MYO19: variants seen among roughly 807,000 people sequenced by gnomAD.
The protein encoded by MYO19 is unconventional myosin-XIX.
MYO19 carries 132 observed loss-of-function variants against 129.2 expected under a neutral mutation model. The observed-to-expected ratio is 1.02, with a 90% CI of 0.89 to 1.18. The LOEUF is 1.18. MYO19 is among the 50% of genes most tolerant of loss of function. The pLI is 0.00. For missense variants in MYO19, 1,210 were observed against 1,216.7 expected (o/e 0.99, Z 0.08); for synonymous variants, 531 against 477.2 (o/e 1.11, Z -1.47).
Position 36,500,971 on chromosome 17 carries a change from G to C in MYO19, c.2248-12C>G. 2 of 1,609,810 alleles carry C rather than the reference G, an allele frequency of 1.2e-6. No homozygotes were observed. The highest frequency in any genetic ancestry group is 1.1e-5 in the South Asian group (1 of 91,000). On this transcript the variant is annotated splice_polypyrimidine_tract_variant and intron_variant, in intron 22 of 25. Coordinates refer to ENST00000614623, the MANE Select transcript of MYO19 (RefSeq NM_001163735.2). ...TCCAGAAGCTCCAGCTGGGAGAAAA[G>C]GCATCCATTGAGGGCAGCCTCTTCT...
chr17:36,539,511 C>G (rs1303140787), upstream of MYO19, among the ~76,000 whole-genome samples: 1 of 152,006 alleles, frequency 6.6e-6, no homozygotes, highest in Non-Finnish European at 1.5e-5. Flanking sequence ...TGGTGACTCA[C>G]GCCTGTAATC....
In MYO19 at chr17:36,509,094, C is replaced by G; in HGVS notation, c.1199G>C (p.Cys400Ser). Residue 400 changes from cysteine (C) to serine (S), a missense_variant, in exon 14 of 26, where the codon TGT becomes TCT. Physicochemically the swap from Cys to Ser is moderately radical, Grantham distance 112 (BLOSUM62 -1). Transcript: ENST00000614623. ...WLVSVINSSICADTDSWTTFI... is the reference protein window; with the variant it reads ...WLVSVINSSISADTDSWTTFI... ...AGTGGTCCACGAGTCGGTGTCTGCA[C>G]AGATGCTGCTGTTGATCACTGATAC... The G allele has an allele frequency of 5.0e-6, 8 of 1,613,876 alleles. No individual in the cohort carries two copies. The highest frequency in any genetic ancestry group is 5.9e-6 in the Non-Finnish European group (7 of 1,179,848).
chr17:36,513,415 G>C lies in MYO19; in HGVS notation c.894+14C>G, dbSNP rs775689995. The C allele has an allele frequency of 1.2e-6, 2 of 1,614,052 alleles. No individual in the cohort carries two copies. The highest frequency in any genetic ancestry group is 2.2e-5 in the South Asian group (2 of 91,088). ...ATCTCTGCCAAACTTAAGTGGCGTGGCTTTTCTTCTGACCTTAAAGATGTT... is the reference window on the plus strand; with the variant it reads ...ATCTCTGCCAAACTTAAGTGGCGTGCCTTTTCTTCTGACCTTAAAGATGTT... On this transcript the variant is annotated intron_variant, in intron 11 of 25. Coordinates refer to ENST00000614623, the MANE Select transcript of MYO19 (RefSeq NM_001163735.2).
intron 6 of MYO19, among the ~76,000 whole-genome samples, chr17:36,524,725 C>T (rs529015917): frequency 2.3e-4 from 35 of 152,360 alleles, no homozygotes; most frequent in African/African-American, 7.9e-4. Context: ...TTTGGAGGAG[C>T]ACTGCCACAT....
chr17:36,509,818 CTCTA>C (rs1019448743), intron 13 of MYO19: 58 of 152,590 alleles, frequency 3.8e-4, no homozygotes, highest in African/African-American at 1.4e-3. Flanking sequence ...CAGAAGCTCA[CTCTA>C]TCTGTGTTCA....
intron 8 of MYO19, 89 bp from the exon 9 acceptor site, chr17:36,514,637 C>T: frequency 1.2e-6 from 1 of 836,292 alleles, no homozygotes; most frequent in South Asian, 1.5e-5. Flanking sequence ...TGCCTGCTAC[C>T]TGGCAACTCC....
intron 6 of MYO19, among the ~76,000 whole-genome samples, chr17:36,523,336 C>G (rs1047609021): frequency 6.6e-6 from 1 of 152,128 alleles, no homozygotes; most frequent in Non-Finnish European, 1.5e-5. Flanking sequence ...TCAGCAGGCA[C>G]CAATCCAGAC....
chr17:36,509,183 A>G, intron 13 of MYO19, 48 bp from the exon 14 acceptor site: 1 of 1,573,706 alleles, frequency 6.4e-7, no homozygotes, highest in Non-Finnish European at 8.7e-7. Context: ...TGGCTGAGTC[A>G]AAGGGGTGGT....
rs1312549950 is a variant in MYO19, at chr17:36,507,380, C to T, written c.1467+19G>A. 5.6e-6 allele frequency: 9 copies of T among 1,606,378 alleles called. No individual in the cohort carries two copies. Among genetic ancestry groups the T allele is most frequent in the Non-Finnish European group, 6.8e-6 (8 of 1,174,588 alleles). ...CAAAGGCCAACTCTGGTGCTCGGCT[C>T]ATTAGCTGACCTCCCCACCTCATTT... On this transcript the variant is annotated intron_variant, in intron 16 of 25. Transcript: ENST00000614623.
chr17:36,507,128 G>T lies in MYO19; in HGVS notation c.1479C>A (p.Leu493=). The T allele has an allele frequency of 6.2e-7, 1 of 1,602,270 alleles. No homozygotes were observed. The highest frequency in any genetic ancestry group is 8.5e-7 in the Non-Finnish European group (1 of 1,170,974). ...GCTGGGCTGCGCTGCTGGGTCGATTGAGGCGGCATTCCTGTGGGATGGGAA... is the reference window on the plus strand; with the variant it reads ...GCTGGGCTGCGCTGCTGGGTCGATTTAGGCGGCATTCCTGTGGGATGGGAA... ...ICSLINEECR[L]NRPSSAAQLQ... is the part of the protein sequence containing the mutation. The change falls in exon 17 of 26, where the codon CTC becomes CTA. Residue 493 remains leucine (L), a synonymous_variant. Coordinates refer to ENST00000614623, the MANE Select transcript of MYO19 (RefSeq NM_001163735.2).
In MYO19 at chr17:36,527,718, T is replaced by A; in HGVS notation, c.152-19A>T. On this transcript the variant is annotated intron_variant, in intron 4 of 25. Transcript: ENST00000614623. Reference sequence around the variant, plus strand: ...CTCAGGACTGAGGCAGAGATGCCTTTAGCAAACTCGGGCTCAAATATAGTC... The same window carrying A: ...CTCAGGACTGAGGCAGAGATGCCTTAAGCAAACTCGGGCTCAAATATAGTC... 6.2e-7 allele frequency: 1 copy of A among 1,601,364 alleles called. No individual in the cohort carries two copies. The highest frequency in any genetic ancestry group is 8.5e-7 in the Non-Finnish European group (1 of 1,173,412).
upstream of MYO19, chr17:36,535,103 T>G (rs1248082793): frequency 1.3e-5 from 2 of 151,672 alleles, no homozygotes; most frequent in Non-Finnish European, 2.9e-5. Context: ...AGCGGCAGCT[T>G]CCCACGTTCT....
In MYO19 at chr17:36,506,375, C is replaced by T. The variant is rs184180361; in HGVS notation, c.1797+81G>A. On this transcript the variant is annotated intron_variant, in intron 18 of 25. Coordinates refer to ENST00000614623, the MANE Select transcript of MYO19 (RefSeq NM_001163735.2). Reference sequence around the variant, plus strand: ...GCCACTGCTCCCCAACAAACAGCACCGATCCCGGCAGGTGCTCAATAAATA... The same window carrying T: ...GCCACTGCTCCCCAACAAACAGCACTGATCCCGGCAGGTGCTCAATAAATA... The T allele has an allele frequency of 7.5e-5, 119 of 1,581,024 alleles. 1 individual carries two copies. In the African/African-American group the frequency reaches 7.7e-4, roughly 10 times the overall value.
chr17:36,510,736 A>T lies in MYO19; in HGVS notation c.1157+10T>A. On this transcript the variant is annotated intron_variant, in intron 13 of 25. Transcript: ENST00000614623. ...GTCCTCCCCAACAAGGGGCCAGAGT[A>T]ACTGCTCACCGCGCATAGATCAGTT... 1 of 1,587,432 alleles carries T rather than the reference A, an allele frequency of 6.3e-7. No homozygotes were observed. Among genetic ancestry groups the T allele is most frequent in the Non-Finnish European group, 8.6e-7 (1 of 1,162,638 alleles).
chr17:36,503,045 A>C, intron 21 of MYO19, 52 bp downstream of exon 21: 1 of 1,448,564 alleles, frequency 6.9e-7, no homozygotes, highest in Non-Finnish European at 9.7e-7. Flanking sequence ...CACAGGGTAG[A>C]TGCTCAGTAA....
intron 14 of MYO19, chr17:36,508,846 T>C: frequency 3.4e-6 from 2 of 582,300 alleles, no homozygotes; most frequent in East Asian, 5.6e-5. Context: ...TGAGCCTGTC[T>C]GGAGAGTTAT....
intron 14 of MYO19, chr17:36,508,660 G>A (rs2072094967): frequency 1.0e-5 from 2 of 193,326 alleles, no homozygotes; most frequent in Non-Finnish European, 2.1e-5. Context: ...CCAACTCCTG[G>A]CCTCCAGTGA....
In MYO19 at chr17:36,509,060, A is replaced by G; in HGVS notation, c.1231+2T>C. ...GCTCCCAGCACAGTGAGGCCTTGCT[A>G]CCTATGAAAGTGGTCCACGAGTCGG... On this transcript the variant is annotated splice_donor_variant, in intron 14 of 25. Transcript: ENST00000614623. LOFTEE classifies it high-confidence loss of function. 3 of 1,613,362 alleles carry G rather than the reference A, an allele frequency of 1.9e-6. No homozygotes were observed. The highest frequency in any genetic ancestry group is 1.6e-4 in the Middle Eastern group (1 of 6,062).
At chr17:36,537,233 G>A, upstream of MYO19, 4 of 1,614,112 alleles carry the variant, frequency 2.5e-6, no homozygotes, top group Non-Finnish European at 3.4e-6. Flanking sequence ...TTTTCTCACA[G>A]TACTTGTGTT....
Sources: gnomAD v4.1 joint callset for allele counts (sites outside exome capture counted in the v4.1 genomes callset) on GRCh38, gnomAD v4.1.1 for gene constraint, MANE v1.5 for transcripts, NCBI Gene and HGNC (gene_info 2026-07-23, HGNC 2026-07-21) for gene names.